Variants in SRD5A2 observed in about 807,000 individuals in gnomAD.
SRD5A2 encodes 3-oxo-5-alpha-steroid 4-dehydrogenase 2.
A neutral mutation model predicts 27.4 loss-of-function variants in SRD5A2; 30 were observed. That is an observed-to-expected ratio of 1.10 (90% confidence interval 0.82 to 1.49). The LOEUF (loss-of-function observed/expected upper bound fraction) is 1.49, where lower values mean the gene tolerates loss of function less well. SRD5A2 is among the 40% of genes most tolerant of loss of function. The pLI, the probability that SRD5A2 is intolerant of heterozygous loss-of-function variation, is 0.00. For synonymous variants in SRD5A2, 141 were observed against 133.6 expected (o/e 1.06, Z -0.38); for missense variants, 348 against 323.4 (o/e 1.08, Z -0.58).
chr2:31,638,497 T>C, the SRD5A2 span, among the ~76,000 whole-genome samples: 23 of 152,246 alleles, frequency 1.5e-4, no homozygotes, highest in African/African-American at 5.5e-4. Flanking sequence ...GTCTGGATGA[T>C]CTGTCCATTA....
chr2:31,550,405 A>T (rs1401017567), intron 1 of SRD5A2, among the ~76,000 whole-genome samples: 1 of 151,868 alleles, frequency 6.6e-6, no homozygotes, highest in Non-Finnish European at 1.5e-5. Context: ...TCCAAAAAAA[A>T]AAAAGGTAAA....
rs369072138 is a variant in SRD5A2 at position 31,529,444 on chromosome 2, C to T, written c.561G>A (p.Thr187=). The part of the protein sequence containing the change: ...SYRIPQGGLF[T]YVSGANFLGE... The stretch of plus-strand genomic sequence containing the variant: ...CGAGGAAATTGGCTCCAGAAACATA[C>T]GTAAACAAGCCACCTGCGTGCAGAA... Residue 187 remains threonine, a synonymous_variant, in exon 4 of 5, where the codon ACG becomes ACA. Coordinates refer to ENST00000622030, the MANE Select transcript of SRD5A2 (RefSeq NM_000348.4). 113 of 1,613,044 alleles carry T rather than the reference C, an allele frequency of 7.0e-5. No individual in the cohort carries two copies. Among genetic ancestry groups the T allele is most frequent in the Non-Finnish European group, 9.1e-5 (107 of 1,179,630 alleles).
chr2:31,591,771 G>T, the SRD5A2 span, among the ~76,000 whole-genome samples: 1 of 59,838 alleles, frequency 1.7e-5, no homozygotes, highest in Non-Finnish European at 3.3e-5. Context: ...AAAATGATGA[G>T]TTCATGTCCT....
the SRD5A2 span, among the ~76,000 whole-genome samples, chr2:31,606,353 C>T: frequency 1.3e-5 from 2 of 151,960 alleles, no homozygotes; most frequent in Admixed American, 1.3e-4. Flanking sequence ...CCCCATTTGC[C>T]ATGATATGAT....
chr2:31,599,924 A>G, the SRD5A2 span, among the ~76,000 whole-genome samples: 1 of 120,430 alleles, frequency 8.3e-6, no homozygotes, highest in Non-Finnish European at 1.8e-5. Context: ...CGGATATTTA[A>G]TCACCCGGGT....
At chr2:31,590,721 C>T in the SRD5A2 span, among the ~76,000 whole-genome samples, 1 of 152,030 alleles carries the variant, frequency 6.6e-6, no homozygotes, top group Non-Finnish European at 1.5e-5. Context: ...GGTACTGGTA[C>T]CAAAACATAC....
chr2:31,548,758 C>T (rs1448474963), intron 1 of SRD5A2, among the ~76,000 whole-genome samples: 1 of 152,082 alleles, frequency 6.6e-6, no homozygotes, highest in East Asian at 1.9e-4. Flanking sequence ...GAACTGAAAA[C>T]AGGGTCTTGA....
At chr2:31,544,575 G>C (rs1370211218) in intron 1 of SRD5A2, among the ~76,000 whole-genome samples, 1 of 151,708 alleles carries the variant, frequency 6.6e-6, no homozygotes, top group Non-Finnish European at 1.5e-5. Flanking sequence ...CATGAAATTT[G>C]AAACTACAAA....
the SRD5A2 span, among the ~76,000 whole-genome samples, chr2:31,617,483 T>C: frequency 6.6e-6 from 1 of 152,232 alleles, no homozygotes; most frequent in Non-Finnish European, 1.5e-5. Flanking sequence ...CTCATGCAAA[T>C]TTCTGCAGCA....
At chr2:31,641,006 T>C in the SRD5A2 span, among the ~76,000 whole-genome samples, 2 of 152,174 alleles carry the variant, frequency 1.3e-5, no homozygotes, top group Non-Finnish European at 2.9e-5. Flanking sequence ...GGAAGGGTAA[T>C]GCAAATGTAA....
At position 31,533,768 on chromosome 2, in the gene SRD5A2, T is replaced by C. The variant is rs1340425455; in HGVS notation, c.282-2A>G. ...TTGAGCAGTGAGTACACAAATGTCCTGGGACACACAGGGAGGAAAGGTTAG... is the reference window on the plus strand; with the variant it reads ...TTGAGCAGTGAGTACACAAATGTCCCGGGACACACAGGGAGGAAAGGTTAG... On this transcript the variant is annotated splice_acceptor_variant, in intron 1 of 4. Transcript: ENST00000622030. LOFTEE classifies it high-confidence loss of function. The C allele has an allele frequency of 4.4e-6, 7 of 1,601,662 alleles. No individual in the cohort carries two copies. Among genetic ancestry groups the C allele is most frequent in the Middle Eastern group, 1.7e-4 (1 of 5,932 alleles).
chr2:31,545,951 T>C (rs1666243424), intron 1 of SRD5A2, among the ~76,000 whole-genome samples: 2 of 152,176 alleles, frequency 1.3e-5, no homozygotes, highest in Admixed American at 6.5e-5. Flanking sequence ...ATTAAGAAAG[T>C]CTCATTTACG....
At chr2:31,536,406 C>A (rs1666028279) in intron 1 of SRD5A2, among the ~76,000 whole-genome samples, 2 of 152,178 alleles carry the variant, frequency 1.3e-5, no homozygotes, top group Non-Finnish European at 2.9e-5. Context: ...CTGCATCTAT[C>A]CAGCAGGCAA....
At chr2:31,532,022 C>T (rs1434023031) in intron 2 of SRD5A2, among the ~76,000 whole-genome samples, 2 of 152,148 alleles carry the variant, frequency 1.3e-5, no homozygotes, top group African/African-American at 2.4e-5. Flanking sequence ...GCCCCTACTT[C>T]GTCTTTCTTC....
intron 1 of SRD5A2, among the ~76,000 whole-genome samples, chr2:31,535,592 G>A (rs1158605671): frequency 6.6e-6 from 1 of 152,186 alleles, no homozygotes; most frequent in Non-Finnish European, 1.5e-5. Context: ...TGTCTCCCTA[G>A]AAACTAAATG....
At chr2:31,583,607 C>A (rs1667117883), upstream of SRD5A2, among the ~76,000 whole-genome samples, 1 of 121,176 alleles carries the variant, frequency 8.3e-6, no homozygotes, top group Non-Finnish European at 1.6e-5. Context: ...TTACATCCTC[C>A]TTCCAGGAAA....
the SRD5A2 span, among the ~76,000 whole-genome samples, chr2:31,587,638 A>C: frequency 6.6e-6 from 1 of 152,170 alleles, no homozygotes; most frequent in African/African-American, 2.4e-5. Flanking sequence ...TCAGCAAACA[A>C]ACACAGGAAC....
chr2:31,596,480 G>C, the SRD5A2 span, among the ~76,000 whole-genome samples: 33 of 151,304 alleles, frequency 2.2e-4, no homozygotes, highest in Non-Finnish European at 4.4e-4. Context: ...AGTACTGGAA[G>C]TCTTAGCCAG....
At chr2:31,645,909 G>A in the SRD5A2 span, among the ~76,000 whole-genome samples, 1 of 152,012 alleles carries the variant, frequency 6.6e-6, no homozygotes, top group Non-Finnish European at 1.5e-5. Flanking sequence ...ACACACAGGT[G>A]CCCTTCTTTA....
Sources: allele counts gnomAD v4.1 joint callset (sites outside exome capture counted in the v4.1 genomes callset), GRCh38; gene constraint gnomAD v4.1.1; transcripts MANE v1.5; gene names NCBI Gene and HGNC (gene_info 2026-07-23, HGNC 2026-07-21).